The following MPDZ variants were observed in gnomAD, a reference collection of about 807,000 sequenced individuals.
The protein encoded by MPDZ is multiple PDZ domain protein.
In MPDZ, 234 loss-of-function variants were observed where a neutral mutation model predicts 239.1. The ratio of observed to expected loss-of-function variants is 0.98; its 90% CI spans 0.88 to 1.09. The LOEUF (loss-of-function observed/expected upper bound fraction) is 1.09, where lower values mean the gene tolerates loss of function less well. Among genes scored for constraint, MPDZ ranks in the 50% least tolerant of loss-of-function variants. The pLI, the probability that MPDZ is intolerant of heterozygous loss-of-function variation, is 0.00. For missense variants in MPDZ, 3,175 were observed against 2,510.0 expected, an observed-to-expected ratio of 1.26 and a Z score of -5.66; for synonymous variants, 1,048 against 881.3, an observed-to-expected ratio of 1.19 and a Z score of -3.35.
rs926552856 is a variant in MPDZ at position 13,264,371 on chromosome 9, T to C, written c.-57-13999A>G. 2.0e-5 allele frequency among the ~76,000 whole-genome samples: 3 copies of C among 152,162 alleles called. No individual in the cohort carries two copies. The South Asian group carries it at 6.2e-4, about 31-fold the overall frequency. ...AGAATTATATATATTTTATGATACT[T>C]TGAGTTAAATACCCTTATTTACTGC... On this transcript the variant is annotated intron_variant, in intron 1 of 46. Transcript: ENST00000319217.
At chr9:13,114,772 C>T (rs1319273110) in intron 40 of MPDZ, among the ~76,000 whole-genome samples, 9 of 151,820 alleles carry the variant, frequency 5.9e-5, no homozygotes, top group Admixed American at 2.0e-4. Context: ...TGGTGGTGCA[C>T]GCCTGTAGTC....
intron 26 of MPDZ, 22 bp from the exon 27 acceptor site, chr9:13,143,586 G>C (rs778331630): frequency 6.3e-7 from 1 of 1,579,212 alleles, no homozygotes; most frequent in Non-Finnish European, 8.7e-7. Context: ...CATAAGAGGC[G>C]CTGAACGCAA....
intron 2 of MPDZ, among the ~76,000 whole-genome samples, chr9:13,249,187 G>T (rs939764555): frequency 9.3e-5 from 14 of 150,716 alleles, no homozygotes; most frequent in African/African-American, 3.2e-4. Context: ...AAAAATAAAT[G>T]ATAAAGATAC....
At chr9:13,169,210 T>C (rs887770489) in intron 21 of MPDZ, among the ~76,000 whole-genome samples, 6 of 152,186 alleles carry the variant, frequency 3.9e-5, no homozygotes, top group Non-Finnish European at 7.3e-5. Context: ...ATTTTATCTC[T>C]GAACTTCTTT....
Position 13,133,866 on chromosome 9 carries a change from G to T in MPDZ, c.4422C>A (p.Asp1474Glu). The change falls in exon 32 of 47, where the codon GAC becomes GAA. Residue 1474 changes from aspartate (D) to glutamate (E), a missense_variant. By Grantham distance (45) the Asp-to-Glu change is conservative (BLOSUM62 2). Coordinates refer to ENST00000319217, the MANE Select transcript of MPDZ (RefSeq NM_001378778.1). ...GTTGCACATTTTTAAATGAACTGAG[G>T]TCCACAGCTGCATCAGAAGTAGTAA... is the stretch of plus-strand genomic sequence containing the variant. ...PTVTTSDAAV[D>E]LSSFKNVQHL... is the part of the protein sequence containing the mutation. The T allele has an allele frequency of 6.2e-7, 1 of 1,601,812 alleles. No individual in the cohort carries two copies. The highest frequency in any genetic ancestry group is 8.5e-7 in the Non-Finnish European group (1 of 1,172,980).
chr9:13,180,184 A>C (rs1953092868), intron 19 of MPDZ, among the ~76,000 whole-genome samples: 1 of 152,206 alleles, frequency 6.6e-6, no homozygotes, highest in Non-Finnish European at 1.5e-5. Context: ...CATTCTAAAC[A>C]TGGATGTGAA....
intron 28 of MPDZ, among the ~76,000 whole-genome samples, chr9:13,139,686 T>C (rs1426887918): frequency 2.6e-5 from 4 of 152,178 alleles, no homozygotes; most frequent in Admixed American, 6.5e-5. Flanking sequence ...GGTGACTTGT[T>C]TGAGACACAG....
intron 25 of MPDZ, among the ~76,000 whole-genome samples, chr9:13,147,892 T>C (rs909648450): frequency 6.6e-6 from 1 of 152,026 alleles, no homozygotes; most frequent in Non-Finnish European, 1.5e-5. Flanking sequence ...ACATAATCAA[T>C]TGAAATGAAG....
chr9:13,175,674 T>A (rs1952375357), intron 21 of MPDZ, 78 bp downstream of exon 21: 2 of 1,439,882 alleles, frequency 1.4e-6, no homozygotes, highest in Non-Finnish European at 1.9e-6. Context: ...GCATAAAAAA[T>A]TGAAATTTAC....
intron 7 of MPDZ, 120 bp from the exon 8 acceptor site, chr9:13,219,888 A>C (rs1396125722): frequency 3.4e-6 from 3 of 870,032 alleles, no homozygotes; most frequent in Non-Finnish European, 5.4e-6. Flanking sequence ...CAGGACATAA[A>C]ATAAAACACA....
At chr9:13,111,770 A>G (rs974376420) in intron 43 of MPDZ, among the ~76,000 whole-genome samples, 2 of 152,194 alleles carry the variant, frequency 1.3e-5, no homozygotes, top group African/African-American at 4.8e-5. Context: ...TGTTCCACAG[A>G]ATTTCAACAT....
In MPDZ at chr9:13,125,387, T is replaced by C. The variant is rs1449867031; in HGVS notation, c.4636A>G (p.Ile1546Val). The part of the protein sequence containing the change: ...IVVGYPIEKF[I>V]SLLKTAKMTV... ...ATCTTTGCTGTCTTCAGAAGGCTAA[T>C]AAACTGGCAGGGTGTATGTGTGGAA... The change falls in exon 35 of 47, where the codon ATT becomes GTT. Residue 1546 changes from isoleucine to valine, a missense_variant. Physicochemically the swap from Ile to Val is conservative, Grantham distance 29 (BLOSUM62 3). Coordinates refer to ENST00000319217, the MANE Select transcript of MPDZ (RefSeq NM_001378778.1). 3 of 1,613,240 alleles carry C rather than the reference T, an allele frequency of 1.9e-6. No individual in the cohort carries two copies. Among genetic ancestry groups the C allele is most frequent in the African/African-American group, 2.7e-5 (2 of 74,928 alleles).
chr9:13,279,355 G>C (rs1975134049), intron 1 of MPDZ, 45 bp downstream of exon 1: 1 of 142,558 alleles, frequency 7.0e-6, no homozygotes, highest in African/African-American at 2.5e-5. Flanking sequence ...CGCAGGGCGC[G>C]GGGGCGCGCC....
In MPDZ at chr9:13,121,772, C is replaced by T. The variant is rs769122077; in HGVS notation, c.5198G>A (p.Gly1733Glu). The T allele has an allele frequency of 3.7e-6, 6 of 1,613,874 alleles. No homozygotes were observed. Among genetic ancestry groups the T allele is most frequent in the Non-Finnish European group, 5.1e-6 (6 of 1,179,896 alleles). The change falls in exon 38 of 47, where the codon GGA becomes GAA. Residue 1733 changes from glycine to glutamate, a missense_variant. By Grantham distance (98) the Gly-to-Glu change is moderately conservative. Coordinates refer to ENST00000319217, the MANE Select transcript of MPDZ (RefSeq NM_001378778.1). ...AACAATACTTAATCCTAGGCCTTTT[C>T]CCGGCTTCTTCTGCAGCTCAATAGT... ...TLTIELQKKP[G>E]KGLGLSIVGK... is the part of the protein sequence containing the mutation.
Position 13,188,861 on chromosome 9 carries a change from T to C in MPDZ, c.2287A>G (p.Ser763Gly). Residue 763 changes from serine to glycine, a missense_variant, in exon 17 of 47, where the codon AGT becomes GGT. Transcript: ENST00000319217. ...AGTGCTTCTACAGCTTCCTCAAGACTGCTGTTTTCCAAGTTAACATCGTTT... is the reference window on the plus strand; with the variant it reads ...AGTGCTTCTACAGCTTCCTCAAGACCGCTGTTTTCCAAGTTAACATCGTTT... ...FVNDVNLENS[S>G]LEEAVEALKG... The C allele has an allele frequency of 6.2e-7, 1 of 1,613,606 alleles. No individual in the cohort carries two copies. Among genetic ancestry groups the C allele is most frequent in the Non-Finnish European group, 8.5e-7 (1 of 1,179,600 alleles).
chr9:13,238,289 A>T (rs912514563), intron 3 of MPDZ, among the ~76,000 whole-genome samples: 1 of 152,186 alleles, frequency 6.6e-6, no homozygotes, highest in Admixed American at 6.5e-5. Context: ...AGGAGCAGAC[A>T]AGATGGCAAG....
chr9:13,137,320 AGT>A (rs1946974113), intron 29 of MPDZ, among the ~76,000 whole-genome samples: 1 of 152,194 alleles, frequency 6.6e-6, no homozygotes, highest in African/African-American at 2.4e-5. Context: ...TGACTGGCTC[AGT>A]CATTTGGTCA....
intron 3 of MPDZ, among the ~76,000 whole-genome samples, chr9:13,233,986 A>G (rs1224409120): frequency 1.3e-5 from 2 of 151,934 alleles, no homozygotes; most frequent in African/African-American, 4.8e-5. Context: ...TGAATCCTCA[A>G]CAAACATATT....
intron 35 of MPDZ, 149 bp downstream of exon 35, chr9:13,125,067 T>A (rs1461566505): frequency 1.7e-6 from 1 of 572,922 alleles, no homozygotes; most frequent in African/African-American, 1.9e-5. Flanking sequence ...AGAAGTCCTC[T>A]CTTTATATCC....
Sources: gnomAD v4.1 joint callset for allele counts (sites outside exome capture counted in the v4.1 genomes callset) on GRCh38, gnomAD v4.1.1 for gene constraint, MANE v1.5 for transcripts, NCBI Gene and HGNC (gene_info 2026-07-23, HGNC 2026-07-21) for gene names.